DPH6: variants seen among roughly 807,000 people sequenced by gnomAD.
The protein encoded by DPH6 is diphthamine biosynthesis 6, also known as diphthine--ammonia ligase.
A neutral mutation model predicts 38.2 loss-of-function variants in DPH6; 33 were observed. The observed-to-expected ratio is 0.86, with a 90% CI of 0.65 to 1.15. The LOEUF is 1.15. Among genes scored for constraint, DPH6 ranks in the 50% most tolerant of loss-of-function variants. The probability of loss-of-function intolerance (pLI) is 0.00; values close to 1 mark genes in which losing one functional copy is unlikely to be tolerated. For synonymous variants in DPH6, 108 were observed against 103.0 expected, an observed-to-expected ratio of 1.05 and a Z score of -0.30; for missense variants, 325 against 320.0, an observed-to-expected ratio of 1.02 and a Z score of -0.12.
intron 3 of DPH6, among the ~76,000 whole-genome samples, chr15:35,275,081 A>T (rs911937028): frequency 4.0e-5 from 6 of 151,890 alleles, no homozygotes; most frequent in African/African-American, 1.4e-4. Context: ...CGCCTGGCTA[A>T]TTTTTTTGTA....
At chr15:35,413,324 T>C (rs1159177717) in intron 5 of DPH6, among the ~76,000 whole-genome samples, 1 of 151,698 alleles carries the variant, frequency 6.6e-6, no homozygotes, top group Non-Finnish European at 1.5e-5. Flanking sequence ...TCACATCTTT[T>C]ATGGCCTTAA....
At chr15:35,468,681 C>CAGAAAAAACAAGA (rs2054158651) in intron 3 of DPH6, among the ~76,000 whole-genome samples, 1 of 148,306 alleles carries the variant, frequency 6.7e-6, no homozygotes, top group Admixed American at 6.6e-5. Flanking sequence ...GGGCACGTAA[C>CAGAAAAAACAAGA]AGAAAAAACA....
Position 35,524,504 on chromosome 15 carries a change from G to A in DPH6, c.312+13770C>T, listed in dbSNP as rs558361947. Among the ~76,000 whole-genome samples the A allele has an allele frequency of 1.4e-4, 21 of 152,188 alleles. No individual in the cohort carries two copies. The East Asian group carries it at 3.5e-3, about 25-fold the overall frequency. On this transcript the variant is annotated intron_variant, in intron 3 of 8. Transcript: ENST00000256538. The stretch of plus-strand genomic sequence containing the variant: ...ATTGGTTTATGTATGCACTATATAT[G>A]TACTGTAATATAGTAATATCTGCAT...
At chr15:35,344,487 TAGGAAACCATTC>T (rs532552501) in intron 3 of DPH6, among the ~76,000 whole-genome samples, 38 of 152,028 alleles carry the variant, frequency 2.5e-4, no homozygotes, top group African/African-American at 8.2e-4. Flanking sequence ...CCTGTTCTTT[TAGGAAACCATTC>T]AGGAGAGACT....
At chr15:35,342,456 T>C (rs2052429198) in intron 3 of DPH6, among the ~76,000 whole-genome samples, 1 of 152,212 alleles carries the variant, frequency 6.6e-6, no homozygotes, top group South Asian at 2.1e-4. Flanking sequence ...TGGGCTGTTG[T>C]TCCACCCTGC....
chr15:35,406,283 C>G (rs919221215), intron 6 of DPH6, among the ~76,000 whole-genome samples: 1 of 151,918 alleles, frequency 6.6e-6, no homozygotes, highest in African/African-American at 2.4e-5. Flanking sequence ...AGTTCAAAAT[C>G]GATGAAGCAT....
intron 6 of DPH6, among the ~76,000 whole-genome samples, chr15:35,388,905 G>T (rs1003742649): frequency 6.6e-6 from 1 of 151,962 alleles, no homozygotes; most frequent in African/African-American, 2.4e-5. Flanking sequence ...GTTTCCTCTT[G>T]CTTCTCTAGT....
rs67141062 is a variant in DPH6, at chr15:35,542,945, A to AATATATATAT, written c.24-448_24-439dup. On this transcript the variant is annotated intron_variant, in intron 1 of 8. Transcript: ENST00000256538. ...ATAATATATATTATTCCACTTAAGG[A>AATATATATAT]ATATATATATATATATATATAAAAT... 5.4e-3 allele frequency among the ~76,000 whole-genome samples: 164 copies of AATATATATAT among 30,232 alleles called. 14 individuals carry two copies. Among genetic ancestry groups the AATATATATAT allele is most frequent in the South Asian group, 0.042 (18 of 428 alleles). The allele number at this position is 30,232 out of a possible 152,430, so 19.8% of individuals were successfully genotyped here.
intron 3 of DPH6, among the ~76,000 whole-genome samples, chr15:35,517,524 T>C (rs1283020998): frequency 2.6e-5 from 4 of 152,110 alleles, no homozygotes; most frequent in Admixed American, 6.6e-5. Flanking sequence ...GTCATTATTT[T>C]AAGAGGAACT....
At chr15:35,290,411 A>G (rs558795190) in intron 3 of DPH6, among the ~76,000 whole-genome samples, 6 of 152,312 alleles carry the variant, frequency 3.9e-5, no homozygotes, top group South Asian at 2.1e-4. Context: ...CCAATAATAC[A>G]TGAAGTGCAG....
intron 3 of DPH6, among the ~76,000 whole-genome samples, chr15:35,280,309 AAAC>A (rs761114579): frequency 6.6e-6 from 1 of 152,230 alleles, no homozygotes; most frequent in Non-Finnish European, 1.5e-5. Context: ...CTGTTGACTT[AAAC>A]AACATTAGTA....
chr15:35,195,835 C>T, the DPH6 span, among the ~76,000 whole-genome samples: 1 of 143,992 alleles, frequency 6.9e-6, no homozygotes, highest in African/African-American at 2.6e-5. Flanking sequence ...TGGGTGCTGC[C>T]AGTGGCTCCC....
chr15:35,315,031 G>A (rs1389368179), intron 3 of DPH6, among the ~76,000 whole-genome samples: 1 of 152,186 alleles, frequency 6.6e-6, no homozygotes, highest in African/African-American at 2.4e-5. Context: ...GATTACATCT[G>A]AGACGTATGC....
At chr15:35,353,043 A>C (rs908416326) in intron 3 of DPH6, among the ~76,000 whole-genome samples, 4 of 151,990 alleles carry the variant, frequency 2.6e-5, no homozygotes, top group African/African-American at 9.7e-5. Flanking sequence ...GATGATGAGA[A>C]ATTTCTCATG....
chr15:35,347,697 G>A (rs549494448), intron 3 of DPH6, among the ~76,000 whole-genome samples: 39 of 151,960 alleles, frequency 2.6e-4, no homozygotes, highest in Non-Finnish European at 4.6e-4. Flanking sequence ...TTGAGGAACC[G>A]CCATACTATT....
chr15:35,492,614 C>T (rs111913394), intron 3 of DPH6, among the ~76,000 whole-genome samples: 4 of 152,138 alleles, frequency 2.6e-5, no homozygotes, highest in African/African-American at 9.7e-5. Flanking sequence ...AGCATTATAA[C>T]CATGATTGAG....
At chr15:35,486,324 G>A (rs1432458966) in intron 3 of DPH6, among the ~76,000 whole-genome samples, 1 of 152,044 alleles carries the variant, frequency 6.6e-6, no homozygotes, top group East Asian at 1.9e-4. Context: ...AAATCAAGGT[G>A]AGATTTTGGG....
chr15:35,322,149 C>A (rs1392255826), intron 3 of DPH6, among the ~76,000 whole-genome samples: 1 of 152,152 alleles, frequency 6.6e-6, no homozygotes, highest in East Asian at 1.9e-4. Flanking sequence ...ATCTTAGCTT[C>A]TACATAGTGA....
At chr15:35,331,863 T>A (rs2052329295) in intron 3 of DPH6, among the ~76,000 whole-genome samples, 1 of 152,164 alleles carries the variant, frequency 6.6e-6, no homozygotes, top group Non-Finnish European at 1.5e-5. Flanking sequence ...ACCCTTCCAG[T>A]CTTCCCTGAC....
Sources: allele counts gnomAD v4.1 joint callset (sites outside exome capture counted in the v4.1 genomes callset), GRCh38; gene constraint gnomAD v4.1.1; transcripts MANE v1.5; gene names NCBI Gene and HGNC (gene_info 2026-07-23, HGNC 2026-07-21).